PIGU: variants seen among roughly 807,000 people sequenced by gnomAD.
The protein encoded by PIGU is GPI-anchor transamidase component PIGU.
In PIGU, 24 loss-of-function variants were observed where a neutral mutation model predicts 49.9. The observed-to-expected ratio is 0.48, with a 90% confidence interval of 0.35 to 0.68. The LOEUF (loss-of-function observed/expected upper bound fraction) is 0.68. Among genes scored for constraint, PIGU ranks in the 30% least tolerant of loss-of-function variants. PIGU has a pLI of 0.01. For synonymous variants in PIGU, 220 were observed against 205.7 expected, an observed-to-expected ratio of 1.07 and a Z score of -0.59; for missense variants, 490 against 532.6, an observed-to-expected ratio of 0.92 and a Z score of 0.79.
At chr20:34,644,325 C>G (rs956805179) in intron 3 of PIGU, 99 bp from the exon 4 acceptor site, 14 of 945,714 alleles carry the variant, frequency 1.5e-5, no homozygotes, top group Non-Finnish European at 2.3e-5. Context: ...TGATGGACTA[C>G]CAAGTACTGG....
At chr20:34,594,867 C>A (rs1176252165) in intron 7 of PIGU, among the ~76,000 whole-genome samples, 1 of 151,650 alleles carries the variant, frequency 6.6e-6, no homozygotes, top group Admixed American at 6.6e-5. Context: ...CTGAGGCAAG[C>A]GGATCACGAG....
intron 7 of PIGU, among the ~76,000 whole-genome samples, chr20:34,597,617 A>C (rs1369875987): frequency 3.3e-5 from 5 of 152,074 alleles, no homozygotes; most frequent in African/African-American, 1.2e-4. Flanking sequence ...TAAATAATGA[A>C]CTCCAGTTGA....
rs947079555 is a variant in PIGU at position 34,646,891 on chromosome 20, C to T, written c.196-1557G>A. On this transcript the variant is annotated intron_variant, in intron 2 of 11. Coordinates refer to ENST00000217446, the MANE Select transcript of PIGU (RefSeq NM_080476.5). Reference sequence around the variant, plus strand: ...GGGCTGGTGTGCAGTGGCTGGATCTCGCTTGCTGCAAGATCCTCCACCTCC... The same window carrying T: ...GGGCTGGTGTGCAGTGGCTGGATCTTGCTTGCTGCAAGATCCTCCACCTCC... 4.0e-5 allele frequency among the ~76,000 whole-genome samples: 6 copies of T among 151,524 alleles called. No individual in the cohort carries two copies. In the South Asian group the frequency reaches 6.2e-4, roughly 16 times the overall value.
intron 10 of PIGU, among the ~76,000 whole-genome samples, chr20:34,577,389 A>G (rs1983279164): frequency 6.6e-6 from 1 of 152,180 alleles, no homozygotes. Flanking sequence ...CAAGGGGCCT[A>G]GATGATACAG....
At chr20:34,654,237 T>C (rs1458697571) in intron 2 of PIGU, among the ~76,000 whole-genome samples, 6 of 102,790 alleles carry the variant, frequency 5.8e-5, no homozygotes, top group Non-Finnish European at 1.0e-4. Context: ...CCGAGGCAGG[T>C]GGATCACCTG....
At chr20:34,652,409 C>G (rs971269907) in intron 2 of PIGU, among the ~76,000 whole-genome samples, 7 of 152,180 alleles carry the variant, frequency 4.6e-5, no homozygotes, top group Admixed American at 2.0e-4. Flanking sequence ...ATGCTCATCC[C>G]AAGGAACCAT....
chr20:34,643,485 C>T (rs1403268572), intron 4 of PIGU: 5 of 152,220 alleles, frequency 3.3e-5, no homozygotes, highest in African/African-American at 1.2e-4. Context: ...AGCCTTATTT[C>T]ACCCCAGCCT....
intron 6 of PIGU, among the ~76,000 whole-genome samples, chr20:34,631,809 TTTTTTTTA>T (rs1568649593): frequency 3.0e-5 from 2 of 66,784 alleles, no homozygotes; most frequent in African/African-American, 1.1e-4. Context: ...TTTTTTTTTT[TTTTTTTTA>T]GTAGAGACGG....
chr20:34,585,384 G>C, intron 9 of PIGU, 53 bp downstream of exon 9: 1 of 1,574,878 alleles, frequency 6.3e-7, no homozygotes, highest in Non-Finnish European at 8.7e-7. Flanking sequence ...ACTAGAGGCA[G>C]GGGCTTCTCG....
chr20:34,659,463 T>A (rs1244035272), intron 1 of PIGU, among the ~76,000 whole-genome samples: 2 of 148,366 alleles, frequency 1.3e-5, no homozygotes, highest in African/African-American at 5.1e-5. Context: ...AGCCGCCCCG[T>A]CCGGGAGGTG....
chr20:34,593,292 C>T (rs541275797), intron 7 of PIGU, among the ~76,000 whole-genome samples: 16 of 150,924 alleles, frequency 1.1e-4, no homozygotes, highest in African/African-American at 3.4e-4. Flanking sequence ...CAGCCAATAT[C>T]GTGCCACTGC....
chr20:34,615,569 C>A (rs1442159459), intron 7 of PIGU, among the ~76,000 whole-genome samples: 1 of 152,166 alleles, frequency 6.6e-6, no homozygotes, highest in Non-Finnish European at 1.5e-5. Flanking sequence ...CTGTTGTCAA[C>A]TGTGGTCCTT....
chr20:34,597,765 G>GT (rs1208080641), intron 7 of PIGU, among the ~76,000 whole-genome samples: 1 of 152,164 alleles, frequency 6.6e-6, no homozygotes. Flanking sequence ...AGGAATGTAG[G>GT]TTATAGGTAT....
intron 7 of PIGU, among the ~76,000 whole-genome samples, chr20:34,590,806 A>C (rs1983939665): frequency 6.6e-6 from 1 of 152,112 alleles, no homozygotes; most frequent in Non-Finnish European, 1.5e-5. Context: ...GCGGATCATG[A>C]GGTCAGGAGA....
chr20:34,674,032 A>G (rs980495682), intron 1 of PIGU, among the ~76,000 whole-genome samples: 1 of 151,802 alleles, frequency 6.6e-6, no homozygotes, highest in Non-Finnish European at 1.5e-5. Flanking sequence ...CAGCCTGGGC[A>G]ACAGACTGAG....
intron 6 of PIGU, among the ~76,000 whole-genome samples, chr20:34,619,136 G>A (rs986182835): frequency 4.6e-5 from 7 of 152,204 alleles, no homozygotes; most frequent in Admixed American, 1.3e-4. Flanking sequence ...AGAAGTAATA[G>A]GACAGAATTC....
At chr20:34,593,489 T>C (rs1984074880) in intron 7 of PIGU, among the ~76,000 whole-genome samples, 1 of 152,154 alleles carries the variant, frequency 6.6e-6, no homozygotes, top group South Asian at 2.1e-4. Flanking sequence ...AAAACCTCTA[T>C]AATTAAAGCA....
intron 1 of PIGU, among the ~76,000 whole-genome samples, chr20:34,658,572 C>T (rs553581646): frequency 1.7e-4 from 26 of 151,714 alleles, no homozygotes; most frequent in African/African-American, 5.8e-4. Flanking sequence ...GGCCGCCCAT[C>T]GTCTGAGATG....
At chr20:34,611,648 G>GAAAAA (rs146531122) in intron 7 of PIGU, among the ~76,000 whole-genome samples, 2 of 65,006 alleles carry the variant, frequency 3.1e-5, no homozygotes, top group Non-Finnish European at 6.1e-5. Flanking sequence ...TCAAGTCTCA[G>GAAAAA]AAAAAAAAAA....
Sources: gnomAD v4.1 joint callset for allele counts (sites outside exome capture counted in the v4.1 genomes callset) on GRCh38, gnomAD v4.1.1 for gene constraint, MANE v1.5 for transcripts, NCBI Gene and HGNC (gene_info 2026-07-23, HGNC 2026-07-21) for gene names.